MYCT1: variants seen among roughly 807,000 people sequenced by gnomAD.
MYCT1 encodes myc target protein 1.
In MYCT1, 12 loss-of-function variants were observed where a neutral mutation model predicts 15.0. That is an observed-to-expected ratio of 0.80 (90% CI 0.51 to 1.29). MYCT1 has a LOEUF of 1.29. Ranked by LOEUF, MYCT1 falls within the 50% of genes most tolerant of loss-of-function variation. The pLI, the probability that MYCT1 is intolerant of heterozygous loss-of-function variation, is 0.00. For synonymous variants in MYCT1, 104 were observed against 102.7 expected (o/e 1.01, Z -0.07); for missense variants, 287 against 279.1 (o/e 1.03, Z -0.20).
Position 152,722,559 on chromosome 6 carries a change from T to C in MYCT1, c.*306T>C, listed in dbSNP as rs775928321. ...AATCAGCTAAGATGCATTATATATA[T>C]TTTAATTAAAATTAAAACTTCAGAT... is the stretch of plus-strand genomic sequence containing the variant. On this transcript the variant is annotated 3_prime_UTR_variant, in exon 2 of 2. Transcript: ENST00000367245. 2 of 245,308 alleles carry C rather than the reference T, an allele frequency of 8.2e-6. No homozygotes were observed. The highest frequency in any genetic ancestry group is 6.9e-5 in the South Asian group (1 of 14,588). The allele number at this position is 245,308 out of a possible 1,614,324, so 15.2% of individuals were successfully genotyped here.
intron 1 of MYCT1, chr6:152,706,173 A>G: frequency 6.4e-6 from 7 of 1,100,994 alleles, no homozygotes; most frequent in Non-Finnish European, 9.7e-6. Context: ...TGTGACAGGA[A>G]GCCCAAGGCA....
At chr6:152,719,576 G>A (rs990760978) in intron 1 of MYCT1, among the ~76,000 whole-genome samples, 6 of 152,142 alleles carry the variant, frequency 3.9e-5, no homozygotes, top group South Asian at 2.1e-4. Context: ...TTTGCATAAA[G>A]CCATTGCTTT....
In MYCT1 at chr6:152,723,459, G is replaced by A. The variant is rs1391319410; in HGVS notation, c.*1206G>A. On this transcript the variant is annotated 3_prime_UTR_variant, in exon 2 of 2. Transcript: ENST00000367245. ...TCTGGGGATCTTCTTTTGTAACTTTGCAGACAAATAAGTATGAGTCACTGG... is the reference window on the plus strand; with the variant it reads ...TCTGGGGATCTTCTTTTGTAACTTTACAGACAAATAAGTATGAGTCACTGG... The A allele has an allele frequency of 6.6e-6, 1 of 152,138 alleles. No homozygotes were observed. Among genetic ancestry groups the A allele is most frequent in the Non-Finnish European group, 1.5e-5 (1 of 68,026 alleles). 9.4% of individuals were successfully genotyped at this position (152,138 alleles called of 1,614,324 possible).
Position 152,722,207 on chromosome 6 carries a change from C to T in MYCT1, c.662C>T (p.Pro221Leu), listed in dbSNP as rs1050595402. 3 of 1,613,992 alleles carry T rather than the reference C, an allele frequency of 1.9e-6. No homozygotes were observed. Among genetic ancestry groups the T allele is most frequent in the African/African-American group, 2.7e-5 (2 of 74,914 alleles). The change falls in exon 2 of 2, where the codon CCC (proline) becomes CTC (leucine). Residue 221 changes from proline to leucine, a missense_variant. By Grantham distance (98) the Pro-to-Leu change is moderately conservative. Transcript: ENST00000367245. ...CTTCGAGTGGGCCTTTCAACACCGC[C>T]CCCACCTGCCTATGAGTCCATCATC... Reference protein sequence around the residue: ...NSLRVGLSTPPPPAYESIIKA... With the variant: ...NSLRVGLSTPLPPAYESIIKA...
the MYCT1 span, among the ~76,000 whole-genome samples, chr6:152,744,121 G>T: frequency 1.3e-5 from 2 of 148,498 alleles, no homozygotes; most frequent in Non-Finnish European, 3.0e-5. Context: ...CCTTTTCTCT[G>T]CAATTGTGTC....
rs1351325671 is a variant in MYCT1 at position 152,697,966 on chromosome 6, G to T, written c.64G>T (p.Asp22Tyr). The T allele has an allele frequency of 6.7e-7, 1 of 1,487,066 alleles. No individual in the cohort carries two copies. The highest frequency in any genetic ancestry group is 1.8e-4 in the Middle Eastern group (1 of 5,604). 92.1% of individuals were successfully genotyped at this position (1,487,066 alleles called of 1,614,324 possible). A position where few individuals can be genotyped will look rare whatever the true frequency, so the allele number is the denominator to read the frequency against. Residue 22 changes from aspartate to tyrosine, a missense_variant, in exon 1 of 2, where the codon GAT becomes TAT. Asp to Tyr is a radical substitution (Grantham distance 160). Coordinates refer to ENST00000367245, the MANE Select transcript of MYCT1 (RefSeq NM_025107.3). ...NYFSLAVLQR[D>Y]RIKLLFFDIL... is the part of the protein sequence containing the mutation. Reference sequence around the variant, plus strand: ...TTTTTCTCTTGCTGTACTACAAAGAGATAGAATCAAACTGCTTTTTTTCGA... The same window carrying T: ...TTTTTCTCTTGCTGTACTACAAAGATATAGAATCAAACTGCTTTTTTTCGA...
intron 1 of MYCT1, among the ~76,000 whole-genome samples, chr6:152,699,927 T>C (rs2099721033): frequency 6.6e-6 from 1 of 152,062 alleles, no homozygotes; most frequent in Non-Finnish European, 1.5e-5. Flanking sequence ...TTTTCCTTTC[T>C]CTTGTTATGT....
At chr6:152,734,055 C>T in the MYCT1 span, among the ~76,000 whole-genome samples, 3 of 152,020 alleles carry the variant, frequency 2.0e-5, no homozygotes, top group African/African-American at 4.8e-5. Context: ...AACAGTCCAT[C>T]AATCCTTCAC....
At chr6:152,743,655 G>A in the MYCT1 span, among the ~76,000 whole-genome samples, 1 of 152,184 alleles carries the variant, frequency 6.6e-6, no homozygotes, top group South Asian at 2.1e-4. Flanking sequence ...TGAATTTGCT[G>A]GCCTCACAAC....
chr6:152,743,722 C>T, the MYCT1 span, among the ~76,000 whole-genome samples: 1 of 152,168 alleles, frequency 6.6e-6, no homozygotes, highest in Admixed American at 6.5e-5. Flanking sequence ...CATTGGAAGT[C>T]ACTTGCCTTT....
downstream of MYCT1, among the ~76,000 whole-genome samples, chr6:152,726,827 C>T (rs2099725750): frequency 6.6e-6 from 1 of 152,150 alleles, no homozygotes; most frequent in Admixed American, 6.5e-5. Context: ...CACAGAATCA[C>T]ATGATACTGG....
At chr6:152,709,409 G>A (rs1315131274) in intron 1 of MYCT1, among the ~76,000 whole-genome samples, 3 of 12,272 alleles carry the variant, frequency 2.4e-4, no homozygotes, top group African/African-American at 6.8e-4. Context: ...GGTATTTCTA[G>A]TTCTAGATCC....
intron 1 of MYCT1, among the ~76,000 whole-genome samples, chr6:152,717,998 T>C (rs1460579436): frequency 6.6e-6 from 1 of 152,204 alleles, no homozygotes; most frequent in Non-Finnish European, 1.5e-5. Flanking sequence ...CATTATTTAA[T>C]CCTTTTTGGA....
the MYCT1 span, among the ~76,000 whole-genome samples, chr6:152,731,577 G>T: frequency 6.6e-6 from 1 of 152,018 alleles, no homozygotes; most frequent in Admixed American, 6.6e-5. Flanking sequence ...GTGTCCAAGT[G>T]TTCTCATTGT....
chr6:152,699,109 G>C (rs1331092559), intron 1 of MYCT1, among the ~76,000 whole-genome samples: 1 of 152,190 alleles, frequency 6.6e-6, no homozygotes, highest in Non-Finnish European at 1.5e-5. Flanking sequence ...ACTTTCTGCT[G>C]TGATTCAAGG....
chr6:152,728,266 T>C (rs759577905), downstream of MYCT1, among the ~76,000 whole-genome samples: 1 of 151,848 alleles, frequency 6.6e-6, no homozygotes, highest in Non-Finnish European at 1.5e-5. Context: ...CTGACTACAG[T>C]TGGGCAGGAA....
Position 152,724,313 on chromosome 6 carries a change from G to C in MYCT1, c.*2060G>C, listed in dbSNP as rs369411416. On this transcript the variant is annotated 3_prime_UTR_variant, in exon 2 of 2. Transcript: ENST00000367245. ...CAGCAAAGAGTATGGTTTTTATCAA[G>C]AATTTGTGTTGGGAGTAAAAACTGC... The C allele has an allele frequency of 6.7e-6, 1 of 149,638 alleles. No homozygotes were observed. Among genetic ancestry groups the C allele is most frequent in the African/African-American group, 2.5e-5 (1 of 40,594 alleles). 9.3% of individuals were successfully genotyped at this position (149,638 alleles called of 1,614,324 possible). A position where few individuals can be genotyped will look rare whatever the true frequency, so the allele number is the denominator to read the frequency against.
the MYCT1 span, among the ~76,000 whole-genome samples, chr6:152,745,468 G>GA: frequency 3.1e-4 from 47 of 151,906 alleles, no homozygotes; most frequent in Non-Finnish European, 3.4e-4. Flanking sequence ...AAGTCTAGGG[G>GA]AAAAAAAGTT....
At chr6:152,742,193 G>A in the MYCT1 span, among the ~76,000 whole-genome samples, 5 of 152,222 alleles carry the variant, frequency 3.3e-5, no homozygotes, top group African/African-American at 9.6e-5. Context: ...GGGGAAATAC[G>A]GGGTTAAACA....
Sources: allele counts gnomAD v4.1 joint callset (sites outside exome capture counted in the v4.1 genomes callset), GRCh38; gene constraint gnomAD v4.1.1; transcripts MANE v1.5; gene names NCBI Gene and HGNC (gene_info 2026-07-23, HGNC 2026-07-21).